Variants in BRMS1L observed in about 807,000 individuals in gnomAD.
BRMS1L encodes BRMS1 like transcriptional repressor, also known as breast cancer metastasis-suppressor 1-like protein.
A neutral mutation model predicts 50.3 loss-of-function variants in BRMS1L; 23 were observed. The observed-to-expected ratio is 0.46, with a 90% CI of 0.33 to 0.65. BRMS1L has a LOEUF of 0.65. Among genes scored for constraint, BRMS1L ranks in the 30% least tolerant of loss-of-function variants. The pLI, the probability that BRMS1L is intolerant of heterozygous loss-of-function variation, is 0.02. For synonymous variants in BRMS1L, 114 were observed against 126.9 expected (o/e 0.90, Z 0.69); for missense variants, 286 against 386.1 (o/e 0.74, Z 2.17).
intron 8 of BRMS1L, among the ~76,000 whole-genome samples, chr14:35,866,952 T>A (rs1398590196): frequency 6.6e-6 from 1 of 152,162 alleles, no homozygotes; most frequent in African/African-American, 2.4e-5. Context: ...AGCACTTCAC[T>A]CAATTTGTAC....
chr14:35,841,598 A>G (rs751092239), intron 4 of BRMS1L, among the ~76,000 whole-genome samples: 5 of 152,174 alleles, frequency 3.3e-5, no homozygotes, highest in Non-Finnish European at 5.9e-5. Context: ...TGCCTGGGCT[A>G]TGTGGTCAAT....
At chr14:35,835,861 A>G (rs2077985311) in intron 4 of BRMS1L, among the ~76,000 whole-genome samples, 1 of 151,038 alleles carries the variant, frequency 6.6e-6, no homozygotes, top group African/African-American at 2.5e-5. Flanking sequence ...AGCAACTACA[A>G]CAACAACAAA....
chr14:35,847,430 C>G (rs533062756), intron 4 of BRMS1L, among the ~76,000 whole-genome samples: 103 of 152,256 alleles, frequency 6.8e-4, no homozygotes, highest in African/African-American at 2.4e-3. Context: ...TCCCAAGTAC[C>G]TGGGACTATA....
intron 2 of BRMS1L, among the ~76,000 whole-genome samples, 193 bp downstream of exon 2, chr14:35,831,693 T>C (rs2077921446): frequency 6.6e-6 from 1 of 152,140 alleles, no homozygotes; most frequent in Middle Eastern, 3.2e-3. Context: ...GCAGGGTTTT[T>C]TTGTGGGCTT....
At chr14:35,858,603 A>G (rs1384269114) in intron 4 of BRMS1L, 2 of 152,236 alleles carry the variant, frequency 1.3e-5, no homozygotes, top group South Asian at 2.1e-4. Context: ...TTTGGGAGCA[A>G]CTTAGCTGGA....
At chr14:35,832,911 A>G in intron 2 of BRMS1L, 67 bp from the exon 3 acceptor site, 4 of 1,421,456 alleles carry the variant, frequency 2.8e-6, no homozygotes, top group Non-Finnish European at 3.9e-6. Flanking sequence ...AATAATGTAT[A>G]GAAATGGCAA....
At chr14:35,863,570 T>G (rs144824245) in intron 5 of BRMS1L, among the ~76,000 whole-genome samples, 14 of 152,302 alleles carry the variant, frequency 9.2e-5, no homozygotes, top group African/African-American at 3.1e-4. Context: ...ACCTCAGTGG[T>G]AGCTTTGGGG....
At chr14:35,862,883 A>G (rs1178092313) in intron 5 of BRMS1L, among the ~76,000 whole-genome samples, 197 bp downstream of exon 5, 2 of 152,198 alleles carry the variant, frequency 1.3e-5, no homozygotes, top group African/African-American at 4.8e-5. Context: ...AGAAAGATGT[A>G]AAAAATGGAG....
intron 7 of BRMS1L, 116 bp downstream of exon 7, chr14:35,865,115 C>A: frequency 1.4e-6 from 1 of 718,408 alleles, no homozygotes; most frequent in Non-Finnish European, 2.2e-6. Context: ...GCTTTTGCAA[C>A]ATTTTTCTAA....
At chr14:35,829,495 A>G (rs2077890705) in intron 1 of BRMS1L, among the ~76,000 whole-genome samples, 1 of 152,226 alleles carries the variant, frequency 6.6e-6, no homozygotes, top group African/African-American at 2.4e-5. Context: ...GTTTAAATAA[A>G]TTTTGCAGTT....
At chr14:35,851,351 T>C (rs150085392) in intron 4 of BRMS1L, among the ~76,000 whole-genome samples, 43 of 147,242 alleles carry the variant, frequency 2.9e-4, no homozygotes, top group Middle Eastern at 3.6e-3. Flanking sequence ...TGACATGAAG[T>C]GATTTCCAGA....
At chr14:35,831,286 A>C in intron 1 of BRMS1L, 124 bp from the exon 2 acceptor site, 1 of 649,606 alleles carries the variant, frequency 1.5e-6, no homozygotes, top group Non-Finnish European at 2.7e-6. Flanking sequence ...TTTAAGGCTT[A>C]ATATAGGTCT....
intron 2 of BRMS1L, among the ~76,000 whole-genome samples, chr14:35,832,535 T>C (rs568554440): frequency 5.9e-4 from 89 of 150,320 alleles, no homozygotes; most frequent in Admixed American, 1.4e-3. Flanking sequence ...GTAGGCTGAA[T>C]ACAGTAATAC....
chr14:35,860,797 C>T (rs938139673), intron 4 of BRMS1L, among the ~76,000 whole-genome samples: 3 of 152,180 alleles, frequency 2.0e-5, no homozygotes, highest in Non-Finnish European at 4.4e-5. Flanking sequence ...CTTTTTAAAG[C>T]TCTCCTGATG....
intron 8 of BRMS1L, among the ~76,000 whole-genome samples, chr14:35,867,404 G>A (rs1048642668): frequency 6.6e-6 from 1 of 152,080 alleles, no homozygotes; most frequent in African/African-American, 2.4e-5. Context: ...TCCTGTATGA[G>A]TTATCTGACT....
At chr14:35,848,716 T>C (rs1384307719) in intron 4 of BRMS1L, among the ~76,000 whole-genome samples, 1 of 152,224 alleles carries the variant, frequency 6.6e-6, no homozygotes, top group Non-Finnish European at 1.5e-5. Flanking sequence ...TATTTATCTT[T>C]CTATGCCTGA....
At chr14:35,868,780 T>C (rs1467768972) in intron 9 of BRMS1L, among the ~76,000 whole-genome samples, 2 of 152,020 alleles carry the variant, frequency 1.3e-5, no homozygotes, top group Non-Finnish European at 2.9e-5. Flanking sequence ...CTTGTCTCTC[T>C]AACAACAACA....
chr14:35,859,867 G>A (rs1390167001), intron 4 of BRMS1L, among the ~76,000 whole-genome samples: 1 of 152,068 alleles, frequency 6.6e-6, no homozygotes, highest in Non-Finnish European at 1.5e-5. Flanking sequence ...GCCTAAGCTG[G>A]TCTCAAACTC....
At chr14:35,845,447 C>A (rs1006628710) in intron 4 of BRMS1L, among the ~76,000 whole-genome samples, 6 of 152,088 alleles carry the variant, frequency 3.9e-5, no homozygotes, top group African/African-American at 1.4e-4. Flanking sequence ...AATGCTTTGT[C>A]TGCATCTATT....
Sources: gnomAD v4.1 joint callset for allele counts (sites outside exome capture counted in the v4.1 genomes callset) on GRCh38, gnomAD v4.1.1 for gene constraint, MANE v1.5 for transcripts, NCBI Gene and HGNC (gene_info 2026-07-23, HGNC 2026-07-21) for gene names.